FAF1: variants seen among roughly 807,000 people sequenced by gnomAD.
The protein encoded by FAF1 is Fas associated factor 1.
A neutral mutation model predicts 92.5 loss-of-function variants in FAF1; 25 were observed. The observed-to-expected ratio is 0.27, with a 90% CI of 0.20 to 0.38. FAF1 has a LOEUF of 0.38. Among genes scored for constraint, FAF1 ranks in the 10% least tolerant of loss-of-function variants. The probability of loss-of-function intolerance (pLI) is 1.00; values close to 1 mark genes in which losing one functional copy is unlikely to be tolerated. For missense variants in FAF1, 636 were observed against 793.3 expected (o/e 0.80, Z 2.38); for synonymous variants, 234 against 273.2 (o/e 0.86, Z 1.42).
At chr1:50,725,845 A>G (rs1259566042) in intron 6 of FAF1, among the ~76,000 whole-genome samples, 2 of 152,246 alleles carry the variant, frequency 1.3e-5, no homozygotes, top group African/African-American at 2.4e-5. Context: ...TTGAACAAAC[A>G]GCACTAATTC....
intron 4 of FAF1, among the ~76,000 whole-genome samples, chr1:50,757,064 G>C (rs1660104952): frequency 6.6e-6 from 1 of 152,142 alleles, no homozygotes; most frequent in African/African-American, 2.4e-5. Context: ...AATATACAGG[G>C]ATATTCCAAA....
At chr1:50,708,838 C>A (rs553323673) in intron 6 of FAF1, among the ~76,000 whole-genome samples, 66 of 152,102 alleles carry the variant, frequency 4.3e-4, no homozygotes, top group Non-Finnish European at 8.8e-4. Context: ...AGGGTGGGAT[C>A]AGTTACGCCA....
chr1:50,586,727 T>C (rs1247712629), intron 9 of FAF1, among the ~76,000 whole-genome samples: 4 of 152,178 alleles, frequency 2.6e-5, no homozygotes. Flanking sequence ...TGCTTTCTCA[T>C]TTTAGAGCAG....
At chr1:50,852,508 G>A (rs1268476097) in intron 2 of FAF1, among the ~76,000 whole-genome samples, 5 of 152,128 alleles carry the variant, frequency 3.3e-5, no homozygotes, top group African/African-American at 1.2e-4. Context: ...ACTACTATGT[G>A]ATTACAGCCA....
chr1:50,784,370 T>C (rs985647714), intron 4 of FAF1, among the ~76,000 whole-genome samples: 12 of 151,838 alleles, frequency 7.9e-5, no homozygotes, highest in Admixed American at 3.9e-4. Context: ...AATCAACACA[T>C]AAAAATCAGC....
At chr1:50,613,661 C>T (rs1249488057) in intron 8 of FAF1, among the ~76,000 whole-genome samples, 1 of 151,890 alleles carries the variant, frequency 6.6e-6, no homozygotes, top group Non-Finnish European at 1.5e-5. Context: ...GAATAATACA[C>T]AAGGAATTAT....
At chr1:50,943,883 G>A (rs1474437525) in intron 1 of FAF1, among the ~76,000 whole-genome samples, 1 of 152,234 alleles carries the variant, frequency 6.6e-6, no homozygotes, top group African/African-American at 2.4e-5. Context: ...GGAAAAGAGA[G>A]GGTTGTTCAG....
At chr1:50,913,036 T>C (rs1644896898) in intron 1 of FAF1, among the ~76,000 whole-genome samples, 1 of 152,216 alleles carries the variant, frequency 6.6e-6, no homozygotes, top group Non-Finnish European at 1.5e-5. Flanking sequence ...ATTTTGGTGC[T>C]GCATTTTTTA....
At chr1:50,925,033 C>A (rs1396431843) in intron 1 of FAF1, among the ~76,000 whole-genome samples, 1 of 152,028 alleles carries the variant, frequency 6.6e-6, no homozygotes. Context: ...GAACAGAGAA[C>A]CTTGAAATTA....
chr1:50,878,580 T>C (rs938791708), intron 1 of FAF1, among the ~76,000 whole-genome samples: 4 of 152,236 alleles, frequency 2.6e-5, no homozygotes, highest in African/African-American at 9.6e-5. Flanking sequence ...AAAATCAATT[T>C]GGTATCCTCA....
intron 6 of FAF1, among the ~76,000 whole-genome samples, chr1:50,729,058 A>ATATATTTTTT (rs1375923156): frequency 5.7e-5 from 4 of 70,128 alleles, no homozygotes; most frequent in African/African-American, 1.8e-4. Context: ...ATATATATAT[A>ATATATTTTTT]TTTTTTTTTT....
intron 15 of FAF1, 65 bp from the exon 16 acceptor site, chr1:50,491,866 A>T (rs547701776): frequency 4.2e-5 from 50 of 1,202,920 alleles, no homozygotes; most frequent in Non-Finnish European, 5.7e-5. Context: ...AGAGAAAAAA[A>T]ACTAATGGTA....
At chr1:50,683,641 A>C (rs528089271) in intron 7 of FAF1, among the ~76,000 whole-genome samples, 38 of 152,256 alleles carry the variant, frequency 2.5e-4, no homozygotes, top group Middle Eastern at 3.4e-3. Context: ...GTAATTTTTT[A>C]AATGTTTTTG....
chr1:50,861,800 T>C (rs1032937388), intron 1 of FAF1, among the ~76,000 whole-genome samples: 2 of 151,378 alleles, frequency 1.3e-5, no homozygotes, highest in Non-Finnish European at 3.0e-5. Flanking sequence ...AACTAAATAA[T>C]TAAAAAAAAA....
At chr1:50,645,162 G>A (rs909149963) in intron 8 of FAF1, among the ~76,000 whole-genome samples, 5 of 152,186 alleles carry the variant, frequency 3.3e-5, no homozygotes, top group African/African-American at 1.2e-4. Context: ...ACCATCAGAA[G>A]CAACATTATC....
intron 1 of FAF1, among the ~76,000 whole-genome samples, chr1:50,940,762 T>C (rs1310099154): frequency 6.6e-6 from 1 of 152,226 alleles, no homozygotes; most frequent in African/African-American, 2.4e-5. Context: ...AACGTAAAAG[T>C]GACGTAAAAA....
chr1:50,945,981 G>C (rs552892427), intron 1 of FAF1, among the ~76,000 whole-genome samples: 20 of 152,316 alleles, frequency 1.3e-4, no homozygotes, highest in African/African-American at 4.6e-4. Flanking sequence ...ACCAGGACCA[G>C]GTTTAGGGTG....
intron 4 of FAF1, among the ~76,000 whole-genome samples, chr1:50,767,209 G>C (rs1254238297): frequency 6.6e-6 from 1 of 152,088 alleles, no homozygotes; most frequent in African/African-American, 2.4e-5. Context: ...GCCAACTGGA[G>C]AAAAGAAACC....
At chr1:50,647,485 C>T (rs939293469) in intron 8 of FAF1, among the ~76,000 whole-genome samples, 6 of 152,036 alleles carry the variant, frequency 3.9e-5, no homozygotes, top group African/African-American at 1.2e-4. Flanking sequence ...TGCCAATTTG[C>T]GAATCATTTT....
Sources: allele counts gnomAD v4.1 joint callset (sites outside exome capture counted in the v4.1 genomes callset), GRCh38; gene constraint gnomAD v4.1.1; transcripts MANE v1.5; gene names NCBI Gene and HGNC (gene_info 2026-07-23, HGNC 2026-07-21).